Variants in PIEZO2 observed in about 807,000 individuals in gnomAD.
PIEZO2 encodes piezo type mechanosensitive ion channel component 2.
Under a neutral mutation model 337.3 loss-of-function variants are expected in PIEZO2, and 172 were observed. The ratio of observed to expected loss-of-function variants is 0.51; its 90% CI spans 0.45 to 0.58. The LOEUF (loss-of-function observed/expected upper bound fraction) is 0.58. Among genes scored for constraint, PIEZO2 ranks in the 20% least tolerant of loss-of-function variants. PIEZO2 has a pLI of 0.00. For synonymous variants in PIEZO2, 1,251 were observed against 1,228.5 expected (o/e 1.02, Z -0.38); for missense variants, 3,028 against 3,391.3 (o/e 0.89, Z 2.66).
At chr18:10,709,315 T>G (rs151073803) in intron 39 of PIEZO2, 1 of 152,280 alleles carries the variant, frequency 6.6e-6, no homozygotes, top group East Asian at 1.9e-4. Context: ...AGGATGCTCA[T>G]GAGAGGAGGC....
rs2036807328 is a variant in PIEZO2, at chr18:11,033,329, G to A, written c.160+32798C>T. On this transcript the variant is annotated intron_variant, in intron 2 of 55. Transcript: ENST00000674853. This position sits in a 1 kb window ranked among gnomAD's most constrained non-coding sequence, Gnocchi z 4.2. The stretch of plus-strand genomic sequence containing the variant: ...AGACACTAGACCACCAGGACTTAGG[G>A]CAGGACTCCAGCCAGAGTGCAAGAT... 6.6e-6 allele frequency among the ~76,000 whole-genome samples: 1 copy of A among 152,190 alleles called. No homozygotes were observed. The highest frequency in any genetic ancestry group is 1.5e-5 in the Non-Finnish European group (1 of 68,026).
chr18:11,045,681 C>A (rs942471379), intron 2 of PIEZO2, among the ~76,000 whole-genome samples: 2 of 152,154 alleles, frequency 1.3e-5, no homozygotes, highest in Admixed American at 6.5e-5. Context: ...CCAAGAATGA[C>A]CCTGAAAGCA....
At chr18:10,812,611 A>G (rs1321461730) in intron 7 of PIEZO2, among the ~76,000 whole-genome samples, 1 of 152,130 alleles carries the variant, frequency 6.6e-6, no homozygotes. Context: ...CACTGTGATG[A>G]GTCTTCCCCC....
intron 36 of PIEZO2, among the ~76,000 whole-genome samples, chr18:10,723,541 G>C (rs1312894106): frequency 1.3e-5 from 2 of 152,134 alleles, no homozygotes; most frequent in Non-Finnish European, 2.9e-5. Flanking sequence ...TTTTAAGATG[G>C]AGAAATAACA....
In PIEZO2 at chr18:10,705,412, G is replaced by A. The variant is rs752628953; in HGVS notation, c.5923C>T (p.Arg1975Cys). The stretch of plus-strand genomic sequence containing the variant: ...ATGCTGGACCCCAGCTTGTCGGTGC[G>A]GCTGTCGTCCGGGCTGACTGCCATA... ...NRMAVSPDDS[R>C]TDKLGSSILP... Residue 1975 changes from arginine to cysteine, a missense_variant, in exon 41 of 56, where the codon CGC (arginine) becomes TGC (cysteine). By Grantham distance (180) the Arg-to-Cys change is radical (BLOSUM62 -3). Around this residue, in one of 5 missense-constraint regions of PIEZO2, gnomAD observed 1,925 missense variants for 2,051.9 expected, o/e 0.94. Coordinates refer to ENST00000674853, the MANE Select transcript of PIEZO2 (RefSeq NM_001378183.1). 37 of 1,537,122 alleles carry A rather than the reference G, an allele frequency of 2.4e-5. No individual in the cohort carries two copies. Among genetic ancestry groups the A allele is most frequent in the East Asian group, 4.9e-5 (2 of 40,918 alleles).
In PIEZO2 at chr18:11,032,245, C is replaced by A. The variant is rs1472068503; in HGVS notation, c.160+33882G>T. 6.6e-6 allele frequency among the ~76,000 whole-genome samples: 1 copy of A among 152,176 alleles called. No homozygotes were observed. The highest frequency in any genetic ancestry group is 2.4e-5 in the African/African-American group (1 of 41,440). Reference sequence around the variant, plus strand: ...ATTCTCGGGTCTCCAGTGTGGTCCACAGGACAGAGGACAACATTTGGAACA... The same window carrying A: ...ATTCTCGGGTCTCCAGTGTGGTCCAAAGGACAGAGGACAACATTTGGAACA... On this transcript the variant is annotated intron_variant, in intron 2 of 55. Coordinates refer to ENST00000674853, the MANE Select transcript of PIEZO2 (RefSeq NM_001378183.1). This position sits in a 1 kb window ranked among gnomAD's most constrained non-coding sequence, Gnocchi z 4.9.
rs749820224 is a variant in PIEZO2 at position 10,758,150 on chromosome 18, T to C, written c.3758-16A>G. The C allele has an allele frequency of 6.5e-7, 1 of 1,535,640 alleles. No individual in the cohort carries two copies. The highest frequency in any genetic ancestry group is 1.2e-5 in the South Asian group (1 of 83,756). ...ATGAAGTCATCTAACAAGACAGAGG[T>C]GAGATCATTAAGCCGCCTCATCCTC... On this transcript the variant is annotated splice_polypyrimidine_tract_variant and intron_variant, in intron 26 of 55. Coordinates refer to ENST00000674853, the MANE Select transcript of PIEZO2 (RefSeq NM_001378183.1).
chr18:10,991,964 A>G (rs2035123541), intron 2 of PIEZO2, among the ~76,000 whole-genome samples: 1 of 152,078 alleles, frequency 6.6e-6, no homozygotes, highest in African/African-American at 2.4e-5. Context: ...TTTGATTTGC[A>G]TTTCTCTAAT....
intron 1 of PIEZO2, among the ~76,000 whole-genome samples, chr18:11,090,837 CG>C (rs34733496): frequency 3.3e-5 from 5 of 149,580 alleles, no homozygotes; most frequent in African/African-American, 9.9e-5. Flanking sequence ...GGTGTGAACC[CG>C]GGGGGGCAAA....
chr18:10,952,688 C>T lies in PIEZO2; in HGVS notation c.286+26847G>A, dbSNP rs536872070. ...TTTTAAAGTCAAATTTTCACTTCACCGGAGGAAATATCACCCAGTGGGATT... is the reference window on the plus strand; with the variant it reads ...TTTTAAAGTCAAATTTTCACTTCACTGGAGGAAATATCACCCAGTGGGATT... On this transcript the variant is annotated intron_variant, in intron 3 of 55. Transcript: ENST00000674853. This position sits in a 1 kb window ranked among gnomAD's most constrained non-coding sequence, Gnocchi z 4.1. 2.6e-5 allele frequency among the ~76,000 whole-genome samples: 4 copies of T among 152,218 alleles called. No homozygotes were observed. The highest frequency in any genetic ancestry group is 2.1e-4 in the South Asian group (1 of 4,810).
chr18:10,836,443 C>A (rs1450958096), intron 7 of PIEZO2, among the ~76,000 whole-genome samples: 1 of 152,202 alleles, frequency 6.6e-6, no homozygotes, highest in Non-Finnish European at 1.5e-5. Flanking sequence ...ACTTTGCTAG[C>A]CCGGCTGTAA....
At position 10,761,115 on chromosome 18, in the gene PIEZO2, C is replaced by G. The variant is rs1453466927; in HGVS notation, c.3250-4G>C. On this transcript the variant is annotated splice_polypyrimidine_tract_variant and splice_region_variant and intron_variant, in intron 23 of 55. Coordinates refer to ENST00000674853, the MANE Select transcript of PIEZO2 (RefSeq NM_001378183.1). The stretch of plus-strand genomic sequence containing the variant: ...TAGCCAGCATCAGGAGGTTATTCTA[C>G]AAAGCAAGGAAACACAAATGTGTCA... 6.5e-7 allele frequency: 1 copy of G among 1,536,500 alleles called. No homozygotes were observed. The highest frequency in any genetic ancestry group is 1.2e-5 in the South Asian group (1 of 84,026).
In PIEZO2 at chr18:10,885,845, A is replaced by C. The variant is rs1465445008; in HGVS notation, c.330-14430T>G. Among the ~76,000 whole-genome samples the C allele has an allele frequency of 2.6e-5, 4 of 152,168 alleles. No individual in the cohort carries two copies. In the East Asian group the frequency reaches 7.7e-4, roughly 29 times the overall value. ...CTGCTCATAAATGGCCTGCTAGAAG[A>C]ATTTCAGATGACTAGCAGAAGCTGG... On this transcript the variant is annotated intron_variant, in intron 4 of 55. Transcript: ENST00000674853.
At chr18:11,050,524 TACACACACAC>T (rs56107549) in intron 2 of PIEZO2, among the ~76,000 whole-genome samples, 119 of 148,922 alleles carry the variant, frequency 8.0e-4, no homozygotes, top group African/African-American at 1.3e-3. Flanking sequence ...GTGTTTATTT[TACACACACAC>T]ACACACACAC....
intron 3 of PIEZO2, among the ~76,000 whole-genome samples, chr18:10,939,158 T>G (rs951427887): frequency 2.0e-5 from 3 of 151,544 alleles, no homozygotes; most frequent in Non-Finnish European, 4.4e-5. Context: ...TCATAAATCT[T>G]ATATTTTGGG....
At chr18:10,692,671 T>A (rs1010181697) in intron 47 of PIEZO2, among the ~76,000 whole-genome samples, 4 of 152,232 alleles carry the variant, frequency 2.6e-5, no homozygotes, top group Admixed American at 6.5e-5. Context: ...ATCAGCTGAA[T>A]TGGGACTGTG....
rs2038432782 is a variant in PIEZO2, at chr18:11,073,898, G to A, written c.65-7676C>T. ...GTCTGGCTCTGTCGCCCAGGCTGGA[G>A]TGCAGTGGCGCAATCTCGGCTCGCT... is the stretch of plus-strand genomic sequence containing the variant. On this transcript the variant is annotated intron_variant, in intron 1 of 55. Coordinates refer to ENST00000674853, the MANE Select transcript of PIEZO2 (RefSeq NM_001378183.1). 3.3e-5 allele frequency among the ~76,000 whole-genome samples: 5 copies of A among 150,988 alleles called. No homozygotes were observed. In the South Asian group the frequency reaches 1.1e-3, roughly 32 times the overall value.
In PIEZO2 at chr18:10,784,377, T is replaced by A. The variant is rs1359675416; in HGVS notation, c.2492+407A>T. Among the ~76,000 whole-genome samples the A allele has an allele frequency of 1.3e-5, 2 of 152,204 alleles. No homozygotes were observed. The highest frequency in any genetic ancestry group is 4.8e-5 in the African/African-American group (2 of 41,440). ...CCAAAGTGGAAGGGAAAACTGCCCA[T>A]CATCTTTTGCTATGCTCTCACAAGA... On this transcript the variant is annotated intron_variant, in intron 17 of 55. Transcript: ENST00000674853. This position sits in a 1 kb window ranked among gnomAD's most constrained non-coding sequence, Gnocchi z 4.5.
Position 10,815,847 on chromosome 18 carries a change from C to T in PIEZO2, c.918-8573G>A, listed in dbSNP as rs1225651780. The stretch of plus-strand genomic sequence containing the variant: ...AGTTCCAAATTTCTACCCAGTTATA[C>T]AGCTCATGAGGTGGAGGCCTAGGTG... On this transcript the variant is annotated intron_variant, in intron 7 of 55. Coordinates refer to ENST00000674853, the MANE Select transcript of PIEZO2 (RefSeq NM_001378183.1). This position sits in a 1 kb window ranked among gnomAD's most constrained non-coding sequence, Gnocchi z 4.1. Among the ~76,000 whole-genome samples, 2 of 152,200 alleles carry T rather than the reference C, an allele frequency of 1.3e-5. No homozygotes were observed. Among genetic ancestry groups the T allele is most frequent in the Non-Finnish European group, 2.9e-5 (2 of 68,040 alleles).
Sources: allele counts gnomAD v4.1 joint callset (sites outside exome capture counted in the v4.1 genomes callset), GRCh38; gene constraint gnomAD v4.1.1; regional missense constraint gnomAD v4.1.1; non-coding constraint Gnocchi (gnomAD v3.1); transcripts MANE v1.5; gene names NCBI Gene and HGNC (gene_info 2026-07-23, HGNC 2026-07-21).